PIKFYVE: variants seen among roughly 807,000 people sequenced by gnomAD.
PIKFYVE encodes 1-phosphatidylinositol 3-phosphate 5-kinase.
A neutral mutation model predicts 257.9 loss-of-function variants in PIKFYVE; 122 were observed. That is an observed-to-expected ratio of 0.47 (90% CI 0.41 to 0.55). The LOEUF is 0.55. PIKFYVE is among the 20% of genes least tolerant of loss of function. The pLI is 0.00. For synonymous variants in PIKFYVE, 892 were observed against 868.9 expected, an observed-to-expected ratio of 1.03 and a Z score of -0.47; for missense variants, 2,160 against 2,536.6, an observed-to-expected ratio of 0.85 and a Z score of 3.19.
At chr2:208,286,805 CCACT>C (rs1182581494) in intron 6 of PIKFYVE, among the ~76,000 whole-genome samples, 2 of 152,014 alleles carry the variant, frequency 1.3e-5, no homozygotes, top group Non-Finnish European at 2.9e-5. Context: ...CAGGCATGAG[CCACT>C]CACTGCACCT....
intron 7 of PIKFYVE, among the ~76,000 whole-genome samples, chr2:208,292,020 T>G (rs1471900110): frequency 6.6e-6 from 1 of 152,174 alleles, no homozygotes; most frequent in Non-Finnish European, 1.5e-5. Context: ...TTACAAATAT[T>G]TAAAAATGTT....
Position 208,342,608 on chromosome 2 carries a change from C to G in PIKFYVE, c.4986C>G (p.Val1662=). 6.2e-7 allele frequency: 1 copy of G among 1,613,924 alleles called. No individual in the cohort carries two copies. The highest frequency in any genetic ancestry group is 8.5e-7 in the Non-Finnish European group (1 of 1,179,858). ...AACATGAACGAGTGCCCATTGCAGT[C>G]TGCGAGAAGGAACCCAGCTCCATCA... ...MYEHERVPIA[V]CEKEPSSIIA... is the part of the protein sequence containing the mutation. Residue 1662 remains valine, a synonymous_variant, in exon 32 of 42, where the codon GTC becomes GTG. Transcript: ENST00000264380.
At chr2:208,281,689 TC>T (rs958563910) in intron 5 of PIKFYVE, among the ~76,000 whole-genome samples, 1 of 152,150 alleles carries the variant, frequency 6.6e-6, no homozygotes, top group African/African-American at 2.4e-5. Flanking sequence ...CAGGTTAATC[TC>T]CTCAAATGAG....
Position 208,350,782 on chromosome 2 carries a change from G to A in PIKFYVE, c.5446G>A (p.Ala1816Thr), listed in dbSNP as rs1405641334. Residue 1816 changes from alanine to threonine, a missense_variant, in exon 37 of 42, where the codon GCT becomes ACT. Physicochemically the swap from Ala to Thr is moderately conservative, Grantham distance 58. Around this residue, in one of 12 missense-constraint regions of PIKFYVE, gnomAD observed 699 missense variants for 855.8 expected, o/e 0.82. Coordinates refer to ENST00000264380, the MANE Select transcript of PIKFYVE (RefSeq NM_015040.4). ...TCTGTTGTTTATAGAATTTTCAGAT[G>A]CTAATGCCAAGTTTTACTGTCGGCT... The part of the protein sequence containing the change: ...NPHVELQFSD[A>T]NAKFYCRLYY... 4 of 1,614,020 alleles carry A rather than the reference G, an allele frequency of 2.5e-6. No homozygotes were observed.
chr2:208,269,502 C>A, intron 1 of PIKFYVE: 1 of 255,482 alleles, frequency 3.9e-6, no homozygotes. Flanking sequence ...CCTTGACTAA[C>A]ACATGAAGCC....
chr2:208,322,209 G>A (rs938937272), intron 17 of PIKFYVE, among the ~76,000 whole-genome samples: 1 of 151,512 alleles, frequency 6.6e-6, no homozygotes, highest in African/African-American at 2.4e-5. Context: ...GTGAGACTCT[G>A]TTCCTACAAA....
intron 2 of PIKFYVE, among the ~76,000 whole-genome samples, chr2:208,272,702 T>C (rs1679229393): frequency 6.6e-6 from 1 of 152,108 alleles, no homozygotes; most frequent in South Asian, 2.1e-4. Flanking sequence ...ATTAACTCAG[T>C]AGAACCTTTA....
At chr2:208,314,936 T>TCTG (rs1695322962) in intron 14 of PIKFYVE, among the ~76,000 whole-genome samples, 2 of 152,040 alleles carry the variant, frequency 1.3e-5, no homozygotes, top group Admixed American at 6.6e-5. Flanking sequence ...ACTGTGCTTG[T>TCTG]CTGTCCCCAT....
At position 208,288,801 on chromosome 2, in the gene PIKFYVE, A is replaced by G. The variant is rs772558699; in HGVS notation, c.894A>G (p.Lys298=). The G allele has an allele frequency of 3.1e-6, 5 of 1,613,962 alleles. No individual in the cohort carries two copies. The African/African-American group carries it at 6.7e-5, about 22-fold the overall frequency. The change falls in exon 7 of 42, where the codon AAA becomes AAG. Residue 298 remains lysine (K), a synonymous_variant. Transcript: ENST00000264380. ...RLVSVQEDAG[K]SPARNRSASI... ...TATCTGTGCAAGAGGATGCTGGGAA[A>G]TCTCCTGCTCGAAATAGGTAAACTG...
chr2:208,332,375 G>A (rs1467621129), intron 23 of PIKFYVE, among the ~76,000 whole-genome samples: 2 of 152,102 alleles, frequency 1.3e-5, no homozygotes, highest in Admixed American at 6.6e-5. Flanking sequence ...GTATACACTG[G>A]TGCACTTGTT....
chr2:208,314,707 G>C (rs1163149250), intron 14 of PIKFYVE, among the ~76,000 whole-genome samples: 1 of 152,156 alleles, frequency 6.6e-6, no homozygotes, highest in African/African-American at 2.4e-5. Context: ...GACCAGCCTG[G>C]CCAACATGGT....
intron 38 of PIKFYVE, 148 bp from the exon 39 acceptor site, chr2:208,352,506 A>G (rs1699866039): frequency 2.6e-6 from 2 of 775,890 alleles, no homozygotes; most frequent in Admixed American, 2.8e-5. Context: ...CTCACTTCTG[A>G]GATTCAAGAG....
intron 24 of PIKFYVE, among the ~76,000 whole-genome samples, chr2:208,333,718 A>G (rs1480088036): frequency 6.6e-6 from 1 of 152,250 alleles, no homozygotes; most frequent in Non-Finnish European, 1.5e-5. Flanking sequence ...GCTTACGATC[A>G]TTCACTTACA....
At chr2:208,338,059 A>C (rs1331576826) in intron 28 of PIKFYVE, among the ~76,000 whole-genome samples, 1 of 152,016 alleles carries the variant, frequency 6.6e-6, no homozygotes. Flanking sequence ...TATCTGTATG[A>C]AGCTAGATTT....
chr2:208,331,705 GGAA>G (rs1419963379), intron 23 of PIKFYVE, among the ~76,000 whole-genome samples: 1 of 152,130 alleles, frequency 6.6e-6, no homozygotes, highest in African/African-American at 2.4e-5. Context: ...GTGTGCTTTT[GGAA>G]GGCACATATG....
At chr2:208,290,479 T>G (rs1692169490) in intron 7 of PIKFYVE, among the ~76,000 whole-genome samples, 1 of 152,234 alleles carries the variant, frequency 6.6e-6, no homozygotes, top group African/African-American at 2.4e-5. Flanking sequence ...ATGAATAATA[T>G]CCCATTGGCT....
At chr2:208,338,187 A>T (rs1698346525) in intron 28 of PIKFYVE, among the ~76,000 whole-genome samples, 1 of 152,182 alleles carries the variant, frequency 6.6e-6, no homozygotes, top group South Asian at 2.1e-4. Flanking sequence ...AATGTAAAGC[A>T]GTGCTACTCT....
At chr2:208,338,484 A>C (rs1398319301) in intron 28 of PIKFYVE, 24 bp from the exon 29 acceptor site, 1 of 1,607,128 alleles carries the variant, frequency 6.2e-7, no homozygotes, top group African/African-American at 1.3e-5. Flanking sequence ...TTTCCATAAG[A>C]ACAAAGTATT....
intron 2 of PIKFYVE, among the ~76,000 whole-genome samples, chr2:208,273,281 G>C (rs1382988951): frequency 1.3e-5 from 2 of 152,170 alleles, no homozygotes; most frequent in East Asian, 1.9e-4. Context: ...CTGTAATTTT[G>C]CCTCCTTCTT....
Sources: allele counts gnomAD v4.1 joint callset (sites outside exome capture counted in the v4.1 genomes callset), GRCh38; gene constraint gnomAD v4.1.1; regional missense constraint gnomAD v4.1.1; transcripts MANE v1.5; gene names NCBI Gene and HGNC (gene_info 2026-07-23, HGNC 2026-07-21).